DPF3: variants seen among roughly 807,000 people sequenced by gnomAD.
The protein encoded by DPF3 is zinc finger protein DPF3.
DPF3 carries 18 observed loss-of-function variants against 56.8 expected under a neutral mutation model. The observed-to-expected ratio is 0.32, with a 90% CI of 0.22 to 0.47. The LOEUF (loss-of-function observed/expected upper bound fraction) is 0.47, where lower values mean the gene tolerates loss of function less well. Ranked by LOEUF, DPF3 falls within the 20% of genes least tolerant of loss-of-function variation. DPF3 has a pLI of 1.00. For missense variants in DPF3, 403 were observed against 488.8 expected (o/e 0.82, Z 1.65); for synonymous variants, 188 against 180.2 (o/e 1.04, Z -0.35).
intron 1 of DPF3, among the ~76,000 whole-genome samples, chr14:72,847,640 T>C (rs1267252131): frequency 6.6e-6 from 1 of 151,914 alleles, no homozygotes; most frequent in Non-Finnish European, 1.5e-5. Context: ...GCCTCCCGAG[T>C]AGCTGGGATT....
chr14:72,847,897 C>T (rs1011890918), intron 1 of DPF3, among the ~76,000 whole-genome samples: 1 of 152,258 alleles, frequency 6.6e-6, no homozygotes, highest in African/African-American at 2.4e-5. Flanking sequence ...CATTTCCCAA[C>T]ATCCCTTGTG....
rs1030541118 is a variant in DPF3, at chr14:72,892,281, A to G, written c.32+1776T>C. The stretch of plus-strand genomic sequence containing the variant: ...GTAGAAACAGCATCAGCGGTGTTGC[A>G]GCGAAAGCAACCGGCAGCGAGGATG... On this transcript the variant is annotated intron_variant, in intron 1 of 10. Transcript: ENST00000556509. 9.1e-6 allele frequency: 14 copies of G among 1,535,416 alleles called. 1 individual carries two copies. The South Asian group carries it at 9.5e-5, about 10-fold the overall frequency.
chr14:72,771,592 T>C (rs1891534661), intron 2 of DPF3, 141 bp downstream of exon 2: 1 of 974,340 alleles, frequency 1.0e-6, no homozygotes, highest in African/African-American at 1.7e-5. Flanking sequence ...TGAGCTTCTT[T>C]AAGGTATCTC....
chr14:72,858,766 A>G (rs1393308642), intron 1 of DPF3, among the ~76,000 whole-genome samples: 2 of 152,224 alleles, frequency 1.3e-5, no homozygotes, highest in East Asian at 1.9e-4. Flanking sequence ...TTCATCTTCT[A>G]TTTGTTCTGT....
At chr14:72,619,608 G>A (rs1161034174) in intron 10 of DPF3, among the ~76,000 whole-genome samples, 4 of 152,218 alleles carry the variant, frequency 2.6e-5, no homozygotes, top group Middle Eastern at 3.4e-3. Context: ...TAGTGTCGCC[G>A]GGCCTGCGCC....
chr14:72,731,215 C>G (rs1599391484), intron 4 of DPF3, among the ~76,000 whole-genome samples: 2 of 151,914 alleles, frequency 1.3e-5, no homozygotes, highest in African/African-American at 4.8e-5. Flanking sequence ...AGGTGTGCAC[C>G]CTTATAATCC....
In DPF3 at chr14:72,637,401, C is replaced by A. The variant is rs143126811; in HGVS notation, c.872-7665G>T. ...AATACGTTGAGAGTCATAGTAATGACCCCAAAGCCCCTAATTAGTCACTGC... is the reference window on the plus strand; with the variant it reads ...AATACGTTGAGAGTCATAGTAATGAACCCAAAGCCCCTAATTAGTCACTGC... On this transcript the variant is annotated intron_variant, in intron 8 of 10. Coordinates refer to ENST00000556509, the MANE Select transcript of DPF3 (RefSeq NM_001280542.3). 6.7e-3 allele frequency among the ~76,000 whole-genome samples: 1,028 copies of A among 152,328 alleles called. 9 individuals carry two copies. Among genetic ancestry groups the A allele is most frequent in the Non-Finnish European group, 0.012 (801 of 68,032 alleles).
intron 8 of DPF3, chr14:72,662,287 G>A (rs1312964205): frequency 1.0e-6 from 1 of 984,674 alleles, no homozygotes; most frequent in African/African-American, 1.8e-5. Flanking sequence ...TAAAATGTGG[G>A]GCATTTTTCT....
At chr14:72,781,296 G>C (rs1891959801) in intron 1 of DPF3, among the ~76,000 whole-genome samples, 1 of 152,176 alleles carries the variant, frequency 6.6e-6, no homozygotes, top group African/African-American at 2.4e-5. Context: ...CCTGGTCAAG[G>C]CAAATGTATG....
chr14:72,662,601 C>T, intron 8 of DPF3: 1 of 985,148 alleles, frequency 1.0e-6, no homozygotes, highest in Non-Finnish European at 1.2e-6. Flanking sequence ...TCTTATTGCA[C>T]AAACTGAGGC....
chr14:72,865,785 G>C (rs1258695722), intron 1 of DPF3, among the ~76,000 whole-genome samples: 2 of 152,196 alleles, frequency 1.3e-5, no homozygotes, highest in African/African-American at 4.8e-5. Context: ...ATCGGCTCAT[G>C]CCTGTAATCC....
intron 8 of DPF3, among the ~76,000 whole-genome samples, chr14:72,653,115 C>T (rs1025240363): frequency 1.3e-5 from 2 of 152,194 alleles, no homozygotes; most frequent in Non-Finnish European, 2.9e-5. Context: ...TGCACTAATG[C>T]GAACATCAGA....
At chr14:72,641,830 G>C (rs1176831502) in intron 8 of DPF3, among the ~76,000 whole-genome samples, 1 of 152,212 alleles carries the variant, frequency 6.6e-6, no homozygotes, top group Non-Finnish European at 1.5e-5. Flanking sequence ...ACAGTAAAGA[G>C]GAGTGACAAT....
At chr14:72,799,745 TC>T in intron 1 of DPF3, among the ~76,000 whole-genome samples, 1 of 152,082 alleles carries the variant, frequency 6.6e-6, no homozygotes, top group Non-Finnish European at 1.5e-5. Context: ...TTAGAGTCAA[TC>T]CTGGAACTTC....
chr14:72,783,031 C>T (rs1199345035), intron 1 of DPF3, among the ~76,000 whole-genome samples: 2 of 152,110 alleles, frequency 1.3e-5, no homozygotes, highest in Non-Finnish European at 2.9e-5. Flanking sequence ...GCACTCCTTT[C>T]TGTTCCTCTT....
chr14:72,702,860 C>G (rs966758835), intron 6 of DPF3, among the ~76,000 whole-genome samples: 2 of 152,122 alleles, frequency 1.3e-5, no homozygotes, highest in African/African-American at 4.8e-5. Context: ...GTGGATCCAA[C>G]CCCCAGGTGG....
intron 1 of DPF3, among the ~76,000 whole-genome samples, chr14:72,871,731 C>T (rs1306524384): frequency 2.0e-5 from 3 of 152,226 alleles, no homozygotes. Context: ...TTGCAGGGTA[C>T]AGCCTCCCTC....
intron 1 of DPF3, among the ~76,000 whole-genome samples, chr14:72,831,695 G>A (rs1884067262): frequency 6.6e-6 from 1 of 152,238 alleles, no homozygotes; most frequent in African/African-American, 2.4e-5. Context: ...GGTTTTGCCA[G>A]AGGCTTGAAA....
chr14:72,640,228 C>G (rs1353756671), intron 8 of DPF3, among the ~76,000 whole-genome samples: 1 of 152,012 alleles, frequency 6.6e-6, no homozygotes, highest in East Asian at 1.9e-4. Context: ...TATGAAGAGC[C>G]TCTTATGTAG....
Sources: gnomAD v4.1 joint callset for allele counts (sites outside exome capture counted in the v4.1 genomes callset) on GRCh38, gnomAD v4.1.1 for gene constraint, MANE v1.5 for transcripts, NCBI Gene and HGNC (gene_info 2026-07-23, HGNC 2026-07-21) for gene names.